The following RAB44 variants were observed in gnomAD, a reference collection of about 807,000 sequenced individuals.
The protein encoded by RAB44 is ras-related protein Rab-44.
RAB44 carries 67 observed loss-of-function variants against 93.3 expected under a neutral mutation model. That is an observed-to-expected ratio of 0.72 (90% confidence interval 0.59 to 0.88). RAB44 has a LOEUF of 0.88. Ranked by LOEUF, RAB44 falls within the 40% of genes least tolerant of loss-of-function variation. RAB44 has a pLI of 0.00. For missense variants in RAB44, 1,064 were observed against 1,261.7 expected (o/e 0.84, Z 2.37); for synonymous variants, 427 against 520.3 (o/e 0.82, Z 2.44).
intron 12 of RAB44, among the ~76,000 whole-genome samples, chr6:36,730,441 T>A (rs985142542): frequency 1.3e-5 from 2 of 152,190 alleles, no homozygotes; most frequent in Admixed American, 1.3e-4. Context: ...CTGTGAAATG[T>A]CTCTTCAATG....
intron 4 of RAB44, 127 bp downstream of exon 4, chr6:36,715,780 C>A: frequency 1.1e-6 from 1 of 916,178 alleles, no homozygotes; most frequent in Non-Finnish European, 1.6e-6. Context: ...TCTGGCTTGG[C>A]CATTGGCTAG....
At chr6:36,730,346 T>C (rs1763331274) in intron 12 of RAB44, among the ~76,000 whole-genome samples, 1 of 152,188 alleles carries the variant, frequency 6.6e-6, no homozygotes, top group Non-Finnish European at 1.5e-5. Flanking sequence ...ATTTCTGAAA[T>C]TAAAAAACAT....
chr6:36,731,080 A>G lies in RAB44; in HGVS notation c.2975+331A>G, dbSNP rs1233568777. Among the ~76,000 whole-genome samples the G allele has an allele frequency of 1.3e-5, 2 of 152,024 alleles. No homozygotes were observed. Among genetic ancestry groups the G allele is most frequent in the Non-Finnish European group, 2.9e-5 (2 of 68,004 alleles). ...TGCTCCCAAACTTCCAGTAGCTTCCATTAAAATCCAAATGCTTTGCAATGG... is the reference window on the plus strand; with the variant it reads ...TGCTCCCAAACTTCCAGTAGCTTCCGTTAAAATCCAAATGCTTTGCAATGG... On this transcript the variant is annotated intron_variant, in intron 13 of 13. Coordinates refer to ENST00000612677, the MANE Select transcript of RAB44 (RefSeq NM_001257357.2). This position sits in a 1 kb window ranked among gnomAD's most constrained non-coding sequence, Gnocchi z 4.0.
chr6:36,730,606 G>A (rs557814303), intron 12 of RAB44, 67 bp from the exon 13 acceptor site: 14 of 1,002,578 alleles, frequency 1.4e-5, no homozygotes, highest in East Asian at 9.8e-5. Context: ...CTTTAGTGGC[G>A]GGGTATGGCC....
Position 36,717,747 on chromosome 6 carries a change from C to T in RAB44, c.642-281C>T, listed in dbSNP as rs1762960631. The stretch of plus-strand genomic sequence containing the variant: ...AGGACGGTGAAAGAGGGAGTGGGGA[C>T]TGAGTGATGGGGTGATGGGGACAAT... On this transcript the variant is annotated intron_variant, in intron 5 of 13. Transcript: ENST00000612677. The surrounding 1 kb of genome is among the most constrained non-coding windows in gnomAD (Gnocchi z 4.1). Among the ~76,000 whole-genome samples, 1 of 151,964 alleles carries T rather than the reference C, an allele frequency of 6.6e-6. No homozygotes were observed. The highest frequency in any genetic ancestry group is 2.4e-5 in the African/African-American group (1 of 41,338).
chr6:36,725,670 AG>A (rs1340111819), intron 9 of RAB44, among the ~76,000 whole-genome samples, 191 bp from the exon 10 acceptor site: 3 of 152,276 alleles, frequency 2.0e-5, no homozygotes, highest in Middle Eastern at 3.4e-3. Flanking sequence ...TGCGGCAGGG[AG>A]GTCTGGGAAG....
chr6:36,709,224 T>C (rs571614308), intron 2 of RAB44, among the ~76,000 whole-genome samples: 121 of 152,326 alleles, frequency 7.9e-4, no homozygotes, highest in African/African-American at 2.9e-3. Context: ...GTGCTGGGAT[T>C]ACAGGCATGA....
chr6:36,726,400 A>G (rs1301352572), intron 10 of RAB44, among the ~76,000 whole-genome samples: 2 of 152,158 alleles, frequency 1.3e-5, no homozygotes, highest in Non-Finnish European at 2.9e-5. Flanking sequence ...GCCCACCACC[A>G]CATCCAGCTA....
In RAB44 at chr6:36,714,755, C is replaced by T. The variant is rs142950959; in HGVS notation, c.320-724C>T. Reference sequence around the variant, plus strand: ...TTCCTGAATCGAATCATGCCCGCCACGCCAGGAACTTCCCAGTGCCTGTGG... The same window carrying T: ...TTCCTGAATCGAATCATGCCCGCCATGCCAGGAACTTCCCAGTGCCTGTGG... On this transcript the variant is annotated intron_variant, in intron 3 of 13. Coordinates refer to ENST00000612677, the MANE Select transcript of RAB44 (RefSeq NM_001257357.2). 5.2e-3 allele frequency among the ~76,000 whole-genome samples: 792 copies of T among 152,348 alleles called. 7 individuals are homozygous for T. Among genetic ancestry groups the T allele is most frequent in the African/African-American group, 0.017 (723 of 41,570 alleles).
rs1416029907 is a variant in RAB44 at position 36,720,539 on chromosome 6, G to A, written c.1005G>A (p.Glu335=). 4.9e-6 allele frequency: 6 copies of A among 1,234,004 alleles called. No individual in the cohort carries two copies. Among genetic ancestry groups the A allele is most frequent in the Non-Finnish European group, 5.1e-6 (5 of 988,210 alleles). The allele number at this position is 1,234,004 out of a possible 1,614,324, so 76.4% of individuals were successfully genotyped here. The change falls in exon 8 of 14, where the codon GAG becomes GAA. Residue 335 remains glutamate (E), a synonymous_variant. Transcript: ENST00000612677. ...AARGRVSWQV[E]EKLSFPGAGE... Reference sequence around the variant, plus strand: ...GGGGCCGGGTGTCCTGGCAGGTGGAGGAGAAACTGAGGCAAGTGGCTGCTA... The same window carrying A: ...GGGGCCGGGTGTCCTGGCAGGTGGAAGAGAAACTGAGGCAAGTGGCTGCTA...
chr6:36,713,340 C>T (rs956956660), intron 2 of RAB44, among the ~76,000 whole-genome samples: 1 of 152,142 alleles, frequency 6.6e-6, no homozygotes, highest in Non-Finnish European at 1.5e-5. Flanking sequence ...GGACTACAGT[C>T]GCTTGCCACC....
rs1203897383 is a variant in RAB44 at position 36,717,817 on chromosome 6, T to C, written c.642-211T>C. ...CTGGTGACGGTTACAAGGGTCGGCG[T>C]GGTAGGATCAGCAGGACCAATGTCA... On this transcript the variant is annotated intron_variant, in intron 5 of 13. Coordinates refer to ENST00000612677, the MANE Select transcript of RAB44 (RefSeq NM_001257357.2). The surrounding 1 kb of genome is among the most constrained non-coding windows in gnomAD (Gnocchi z 4.1). Among the ~76,000 whole-genome samples the C allele has an allele frequency of 6.6e-6, 1 of 151,208 alleles. No homozygotes were observed. Among genetic ancestry groups the C allele is most frequent in the African/African-American group, 2.4e-5 (1 of 41,134 alleles).
Position 36,717,882 on chromosome 6 carries a change from T to C in RAB44, c.642-146T>C. 2.4e-6 allele frequency: 1 copy of C among 416,542 alleles called. No homozygotes were observed. The highest frequency in any genetic ancestry group is 4.1e-6 in the Non-Finnish European group (1 of 244,950). The allele number at this position is 416,542 out of a possible 1,614,324, so 25.8% of individuals were successfully genotyped here. ...AGGGGGTTGTTACTGGGATGGCTGTTCTCAGGGTGACAGAGGTCAGTGACT... is the reference window on the plus strand; with the variant it reads ...AGGGGGTTGTTACTGGGATGGCTGTCCTCAGGGTGACAGAGGTCAGTGACT... On this transcript the variant is annotated intron_variant, in intron 5 of 13. Coordinates refer to ENST00000612677, the MANE Select transcript of RAB44 (RefSeq NM_001257357.2). This position sits in a 1 kb window ranked among gnomAD's most constrained non-coding sequence, Gnocchi z 4.1.
At chr6:36,702,340 A>C (rs1316869135) in intron 1 of RAB44, among the ~76,000 whole-genome samples, 1 of 82,244 alleles carries the variant, frequency 1.2e-5, no homozygotes. Context: ...GAGAGAGAGA[A>C]TGTACTTCTG....
chr6:36,697,846 A>T lies in RAB44; in HGVS notation c.-82A>T, dbSNP rs1431550564. The T allele has an allele frequency of 6.6e-6, 1 of 152,320 alleles. No homozygotes were observed. The highest frequency in any genetic ancestry group is 2.4e-5 in the African/African-American group (1 of 41,454). 9.4% of individuals were successfully genotyped at this position (152,320 alleles called of 1,614,324 possible). A position where few individuals can be genotyped will look rare whatever the true frequency, so the allele number is the denominator to read the frequency against. On this transcript the variant is annotated 5_prime_UTR_variant, in exon 1 of 14. Coordinates refer to ENST00000612677, the MANE Select transcript of RAB44 (RefSeq NM_001257357.2). ...CAGTTCTAGAGCTCGTGGGCTCCGC[A>T]GGGCAGCAGTCACCCTACCACCAGG...
rs773422777 is a variant in RAB44 at position 36,722,472 on chromosome 6, A to G, written c.2338A>G (p.Thr780Ala). The G allele has an allele frequency of 4.7e-5, 69 of 1,466,866 alleles. No individual in the cohort carries two copies. The highest frequency in any genetic ancestry group is 5.8e-5 in the Non-Finnish European group (64 of 1,111,184). The allele number at this position is 1,466,866 out of a possible 1,614,324, so 90.9% of individuals were successfully genotyped here. ...EQEAQPRPSL[T>A]TAHAEEQGPP... The stretch of plus-strand genomic sequence containing the variant: ...GGAAGCCCAACCCAGGCCATCCCTC[A>G]CGACTGCTCACGCAGAAGAACAAGG... Residue 780 changes from threonine (T) to alanine (A), a missense_variant, in exon 9 of 14, where the codon ACG (threonine) becomes GCG (alanine). Physicochemically the swap from Thr to Ala is moderately conservative, Grantham distance 58 (BLOSUM62 0). Coordinates refer to ENST00000612677, the MANE Select transcript of RAB44 (RefSeq NM_001257357.2).
At chr6:36,719,507 G>A (rs1763015005) in intron 7 of RAB44, among the ~76,000 whole-genome samples, 2 of 152,202 alleles carry the variant, frequency 1.3e-5, no homozygotes, top group African/African-American at 4.8e-5. Flanking sequence ...CAGGTCCTGA[G>A]GATCATGACA....
rs938093166 is a variant in RAB44 at position 36,733,148 on chromosome 6, C to T, written c.*1055C>T. ...CGTTTGTATGTCTGTCACATCTTACCATCATCACAAATTGAATATACAACA... is the reference window on the plus strand; with the variant it reads ...CGTTTGTATGTCTGTCACATCTTACTATCATCACAAATTGAATATACAACA... On this transcript the variant is annotated 3_prime_UTR_variant, in exon 14 of 14. Transcript: ENST00000612677. 1.3e-5 allele frequency: 2 copies of T among 152,174 alleles called. No individual in the cohort carries two copies. Among genetic ancestry groups the T allele is most frequent in the Non-Finnish European group, 2.9e-5 (2 of 68,042 alleles). 9.4% of individuals were successfully genotyped at this position (152,174 alleles called of 1,614,324 possible).
At chr6:36,724,685 C>A (rs1485444943) in intron 9 of RAB44, among the ~76,000 whole-genome samples, 1 of 152,090 alleles carries the variant, frequency 6.6e-6, no homozygotes, top group Non-Finnish European at 1.5e-5. Flanking sequence ...ACCAACCAAC[C>A]AACCAACCAA....
Sources: gnomAD v4.1 joint callset for allele counts (sites outside exome capture counted in the v4.1 genomes callset) on GRCh38, gnomAD v4.1.1 for gene constraint, Gnocchi (gnomAD v3.1) non-coding constraint, MANE v1.5 for transcripts, NCBI Gene and HGNC (gene_info 2026-07-23, HGNC 2026-07-21) for gene names.